Variants in SPOCK1 observed in about 807,000 individuals in gnomAD.
SPOCK1 encodes the protein testican-1.
A neutral mutation model predicts 55.3 loss-of-function variants in SPOCK1; 23 were observed. The ratio of observed to expected loss-of-function variants is 0.42; its 90% CI spans 0.30 to 0.59. The LOEUF (loss-of-function observed/expected upper bound fraction) is 0.59. Ranked by LOEUF, SPOCK1 falls within the 20% of genes least tolerant of loss-of-function variation. The probability of loss-of-function intolerance (pLI) is 0.22; values close to 1 mark genes in which losing one functional copy is unlikely to be tolerated. For synonymous variants in SPOCK1, 226 were observed against 221.0 expected, an observed-to-expected ratio of 1.02 and a Z score of -0.20; for missense variants, 499 against 552.5, an observed-to-expected ratio of 0.90 and a Z score of 0.97.
At chr5:137,249,254 C>T (rs1756461519) in intron 3 of SPOCK1, among the ~76,000 whole-genome samples, 1 of 152,108 alleles carries the variant, frequency 6.6e-6, no homozygotes, top group African/African-American at 2.4e-5. Flanking sequence ...CTTCTAGGAA[C>T]TTATCTCACA....
intron 6 of SPOCK1, among the ~76,000 whole-genome samples, chr5:137,039,971 G>A (rs961939348): frequency 3.3e-5 from 5 of 152,194 alleles, no homozygotes; most frequent in African/African-American, 7.2e-5. Flanking sequence ...TAACAGAACC[G>A]GCTGCTGGCT....
At chr5:137,105,204 C>T (rs1753342508) in intron 5 of SPOCK1, among the ~76,000 whole-genome samples, 1 of 152,230 alleles carries the variant, frequency 6.6e-6, no homozygotes, top group South Asian at 2.1e-4. Context: ...GTGTTCCAGC[C>T]TGTGGATGCA....
rs990892723 is a variant in SPOCK1 at position 137,404,340 on chromosome 5, T to C, written c.186+94033A>G. On this transcript the variant is annotated intron_variant, in intron 2 of 10. Coordinates refer to ENST00000394945, the MANE Select transcript of SPOCK1 (RefSeq NM_004598.4). ...TTCCCAAAGAATCAGGCAATCCAGA[T>C]GTATGGATTTTTAGATGTTTTTAGA... Among the ~76,000 whole-genome samples the C allele has an allele frequency of 2.6e-5, 4 of 152,084 alleles. 1 individual carries two copies. The highest frequency in any genetic ancestry group is 5.9e-5 in the Non-Finnish European group (4 of 68,020).
chr5:137,291,457 A>T (rs2127131022), intron 2 of SPOCK1, among the ~76,000 whole-genome samples: 1 of 152,316 alleles, frequency 6.6e-6, no homozygotes. Context: ...GGTCAGTAAG[A>T]TCTCCCAGGT....
intron 5 of SPOCK1, among the ~76,000 whole-genome samples, chr5:137,097,329 A>C (rs1265316392): frequency 6.6e-6 from 1 of 152,190 alleles, no homozygotes; most frequent in African/African-American, 2.4e-5. Flanking sequence ...AGACCTGAGA[A>C]GGTTCCAGTA....
intron 2 of SPOCK1, among the ~76,000 whole-genome samples, chr5:137,410,376 C>T (rs772534693): frequency 5.3e-5 from 8 of 152,160 alleles, no homozygotes; most frequent in Non-Finnish European, 1.0e-4. Context: ...TAAGGGGAAC[C>T]AGCCCTTGGA....
rs141693815 is a variant in SPOCK1 at position 137,354,054 on chromosome 5, C to T, written c.187-86999G>A. On this transcript the variant is annotated intron_variant, in intron 2 of 10. Coordinates refer to ENST00000394945, the MANE Select transcript of SPOCK1 (RefSeq NM_004598.4). The stretch of plus-strand genomic sequence containing the variant: ...TTTCCACTGCCACCATTTTCACTCA[C>T]GTTCTGACCCTCAGAAGCTCTGAAA... Among the ~76,000 whole-genome samples the T allele has an allele frequency of 1.1e-3, 172 of 152,304 alleles. 1 individual carries two copies. The highest frequency in any genetic ancestry group is 3.9e-3 in the African/African-American group (164 of 41,564).
chr5:137,310,540 T>C (rs1757771545), intron 2 of SPOCK1, among the ~76,000 whole-genome samples: 1 of 152,204 alleles, frequency 6.6e-6, no homozygotes, highest in Non-Finnish European at 1.5e-5. Flanking sequence ...CAGCAACATA[T>C]ACTTGATGAG....
intron 2 of SPOCK1, among the ~76,000 whole-genome samples, chr5:137,314,406 C>A (rs1025830008): frequency 1.3e-5 from 2 of 152,154 alleles, no homozygotes; most frequent in Non-Finnish European, 2.9e-5. Flanking sequence ...AGAAGTGACA[C>A]ATGATTCCAC....
intron 2 of SPOCK1, 81 bp downstream of exon 2, chr5:137,498,292 A>ACACG (rs1754343056): frequency 7.3e-7 from 1 of 1,363,152 alleles, no homozygotes; most frequent in African/African-American, 1.5e-5. Flanking sequence ...ACACACACAC[A>ACACG]CACACACACC....
chr5:137,269,289 G>C (rs1488070140), intron 2 of SPOCK1, among the ~76,000 whole-genome samples: 1 of 152,184 alleles, frequency 6.6e-6, no homozygotes, highest in Non-Finnish European at 1.5e-5. Flanking sequence ...GGCCAAGCAG[G>C]GAAGAAAAAT....
chr5:137,212,664 G>A lies in SPOCK1; in HGVS notation c.232+54346C>T, dbSNP rs149951746. On this transcript the variant is annotated intron_variant, in intron 3 of 10. Coordinates refer to ENST00000394945, the MANE Select transcript of SPOCK1 (RefSeq NM_004598.4). The stretch of plus-strand genomic sequence containing the variant: ...ATGGTTACTTTTTTAGTCCATGACT[G>A]ACCTAGAGGCCCTGGGCCAAAGGCA... 2.9e-3 allele frequency among the ~76,000 whole-genome samples: 436 copies of A among 152,298 alleles called. 2 individuals carry two copies. The highest frequency in any genetic ancestry group is 1.0e-2 in the African/African-American group (415 of 41,564).
intron 3 of SPOCK1, among the ~76,000 whole-genome samples, chr5:137,157,672 C>T (rs1298356395): frequency 6.6e-6 from 1 of 152,216 alleles, no homozygotes; most frequent in Non-Finnish European, 1.5e-5. Context: ...TCCCATTCCC[C>T]AGGCACTAAC....
chr5:137,099,672 G>GTA (rs34813771), intron 5 of SPOCK1, among the ~76,000 whole-genome samples: 46,164 of 151,324 alleles, frequency 0.31, 8,140 homozygotes, highest in East Asian at 0.62. Context: ...ATGTACATGT[G>GTA]TATATATATA....
intron 2 of SPOCK1, among the ~76,000 whole-genome samples, chr5:137,307,855 A>C (rs976176506): frequency 2.0e-5 from 3 of 152,234 alleles, no homozygotes; most frequent in African/African-American, 7.2e-5. Flanking sequence ...CAGGGGCTCA[A>C]GTGTCATGAC....
At chr5:137,179,424 G>A (rs1252982910) in intron 3 of SPOCK1, among the ~76,000 whole-genome samples, 1 of 152,158 alleles carries the variant, frequency 6.6e-6, no homozygotes, top group Non-Finnish European at 1.5e-5. Context: ...CACACAGGGT[G>A]AATTACAGGC....
rs143593940 is a variant in SPOCK1, at chr5:137,197,757, C to T, written c.233-57063G>A. Among the ~76,000 whole-genome samples the T allele has an allele frequency of 2.6e-3, 392 of 152,236 alleles. 2 individuals are homozygous for T. Among genetic ancestry groups the T allele is most frequent in the African/African-American group, 8.9e-3 (371 of 41,550 alleles). On this transcript the variant is annotated intron_variant, in intron 3 of 10. Coordinates refer to ENST00000394945, the MANE Select transcript of SPOCK1 (RefSeq NM_004598.4). ...GTTCCACTTCCTAACAGCTGTTTGACCATGGGCAAGTTACTTACCTACCAG... is the reference window on the plus strand; with the variant it reads ...GTTCCACTTCCTAACAGCTGTTTGATCATGGGCAAGTTACTTACCTACCAG...
At chr5:137,495,925 A>AT (rs553791579) in intron 2 of SPOCK1, among the ~76,000 whole-genome samples, 6 of 152,254 alleles carry the variant, frequency 3.9e-5, no homozygotes, top group African/African-American at 7.2e-5. Flanking sequence ...GAAGTTTGGG[A>AT]TTTTTTTGAA....
chr5:137,464,795 TTGAACC>T (rs1294734356), intron 2 of SPOCK1, among the ~76,000 whole-genome samples: 2 of 152,116 alleles, frequency 1.3e-5, no homozygotes, highest in Non-Finnish European at 2.9e-5. Context: ...CGAGTGTGTC[TTGAACC>T]TAGGAGAATA....
Sources: gnomAD v4.1 joint callset for allele counts (sites outside exome capture counted in the v4.1 genomes callset) on GRCh38, gnomAD v4.1.1 for gene constraint, MANE v1.5 for transcripts, NCBI Gene and HGNC (gene_info 2026-07-23, HGNC 2026-07-21) for gene names.